The following INO80 variants were observed in gnomAD, a reference collection of about 807,000 sequenced individuals.
INO80 encodes the protein chromatin-remodeling ATPase INO80.
INO80 carries 20 observed loss-of-function variants against 203.4 expected under a neutral mutation model. That is an observed-to-expected ratio of 0.10 (90% CI 0.07 to 0.14). INO80 has a LOEUF of 0.14. Among genes scored for constraint, INO80 ranks in the 10% least tolerant of loss-of-function variants. The pLI, the probability that INO80 is intolerant of heterozygous loss-of-function variation, is 1.00. For missense variants in INO80, 1,419 were observed against 1,914.4 expected, an observed-to-expected ratio of 0.74 and a Z score of 4.83; for synonymous variants, 726 against 685.2, an observed-to-expected ratio of 1.06 and a Z score of -0.93.
chr15:41,084,708 T>C (rs1264692521), intron 7 of INO80, among the ~76,000 whole-genome samples: 2 of 152,162 alleles, frequency 1.3e-5, no homozygotes, highest in African/African-American at 2.4e-5. Flanking sequence ...AAGAAACATA[T>C]CAACTCCTTT....
intron 17 of INO80, among the ~76,000 whole-genome samples, chr15:41,055,945 G>GTTTTTTTTTTTTTTTTTTTTGTT: frequency 7.8e-6 from 1 of 128,586 alleles, no homozygotes; most frequent in Non-Finnish European, 1.6e-5. Context: ...TCTTCTTTTG[G>GTTTTTTTTTTTTTTTTTTTTGTT]TTTTTTTTTT....
At chr15:41,048,010 C>T (rs1186144604) in intron 22 of INO80, among the ~76,000 whole-genome samples, 1 of 152,158 alleles carries the variant, frequency 6.6e-6, no homozygotes, top group Admixed American at 6.5e-5. Flanking sequence ...ATACTATTTT[C>T]TACTTTTTCC....
At chr15:41,032,057 GCACAGGACAGCACAGGACAGCACAGC>G (rs2044493364) in intron 24 of INO80, among the ~76,000 whole-genome samples, 15 of 79,508 alleles carry the variant, frequency 1.9e-4, no homozygotes, top group African/African-American at 6.4e-4. Context: ...GCACAGCACA[GCACAGGACAGCACAGGACAGCACAGC>G]ACAGCACAGC....
chr15:41,075,446 ATT>A (rs957463893), intron 9 of INO80, among the ~76,000 whole-genome samples: 1 of 146,532 alleles, frequency 6.8e-6, no homozygotes, highest in Admixed American at 6.8e-5. Flanking sequence ...TAATTTTTCT[ATT>A]TTTTTTTGGC....
At chr15:41,026,584 A>C (rs573314484) in intron 25 of INO80, among the ~76,000 whole-genome samples, 54 of 151,996 alleles carry the variant, frequency 3.6e-4, no homozygotes, top group South Asian at 3.3e-3. Flanking sequence ...AACAAAAAAA[A>C]CCAACAAACC....
At chr15:41,064,793 T>C (rs1596304707) in intron 14 of INO80, among the ~76,000 whole-genome samples, 1 of 152,044 alleles carries the variant, frequency 6.6e-6, no homozygotes, top group African/African-American at 2.4e-5. Context: ...GCTCAGGAAT[T>C]TGAGACCAGC....
intron 26 of INO80, chr15:41,017,980 T>TA (rs2044236026): frequency 1.3e-5 from 2 of 152,342 alleles, no homozygotes; most frequent in Admixed American, 1.3e-4. Context: ...TAACAACTTT[T>TA]AAGGTTTTAT....
chr15:41,114,657 C>G (rs916974878), intron 1 of INO80, among the ~76,000 whole-genome samples: 1 of 149,626 alleles, frequency 6.7e-6, no homozygotes, highest in Non-Finnish European at 1.5e-5. Context: ...CGCAGTGAGT[C>G]GGGACCCCGC....
At chr15:41,011,011 A>G (rs551854983) in intron 27 of INO80, among the ~76,000 whole-genome samples, 3 of 152,342 alleles carry the variant, frequency 2.0e-5, no homozygotes, top group Middle Eastern at 3.4e-3. Flanking sequence ...CCCTTATCTA[A>G]TACAGAGCCC....
chr15:41,114,628 G>C (rs1200169611), intron 1 of INO80, among the ~76,000 whole-genome samples: 1 of 151,166 alleles, frequency 6.6e-6, no homozygotes, highest in Non-Finnish European at 1.5e-5. Context: ...AGAAGTGCTT[G>C]AACCTGGGAG....
At chr15:41,057,797 C>CAAAAAAAAAAAAAAAAAAAAAAAAAAAAA (rs35197370) in intron 16 of INO80, among the ~76,000 whole-genome samples, 2 of 29,298 alleles carry the variant, frequency 6.8e-5, no homozygotes, top group Non-Finnish European at 1.4e-4. Flanking sequence ...AACTACATCT[C>CAAAAAAAAAAAAAAAAAAAAAAAAAAAAA]AAAAAAAAAA....
At chr15:41,088,567 C>T (rs1001474057) in intron 5 of INO80, among the ~76,000 whole-genome samples, 7 of 152,148 alleles carry the variant, frequency 4.6e-5, no homozygotes, top group Non-Finnish European at 8.8e-5. Flanking sequence ...ATATGAATAA[C>T]GTAACTCTTT....
chr15:41,056,896 CCT>C (rs1275560143), intron 16 of INO80, among the ~76,000 whole-genome samples, 190 bp from the exon 17 acceptor site: 1 of 152,118 alleles, frequency 6.6e-6, no homozygotes, highest in African/African-American at 2.4e-5. Context: ...GGAAATGAGT[CCT>C]CTCTACTGAA....
At chr15:41,065,588 T>C (rs775014240) in intron 14 of INO80, among the ~76,000 whole-genome samples, 11 of 152,146 alleles carry the variant, frequency 7.2e-5, no homozygotes, top group Admixed American at 2.6e-4. Flanking sequence ...GGAATGTTCA[T>C]AGCAGTACTA....
intron 24 of INO80, among the ~76,000 whole-genome samples, chr15:41,030,906 A>AGG (rs1381007330): frequency 2.0e-5 from 3 of 148,724 alleles, no homozygotes; most frequent in African/African-American, 7.5e-5. Context: ...TCCTGACCTC[A>AGG]TGATCCGTCC....
intron 1 of INO80, among the ~76,000 whole-genome samples, chr15:41,110,403 A>G (rs1304342818): frequency 6.6e-6 from 1 of 151,834 alleles, no homozygotes; most frequent in Non-Finnish European, 1.5e-5. Flanking sequence ...TCAGCCTCCC[A>G]AAGTGCTGGG....
rs2044284391 is a variant in INO80, at chr15:41,020,919, C to T, written c.3255G>A (p.Trp1085Ter). 6.2e-7 allele frequency: 1 copy of T among 1,611,938 alleles called. No individual in the cohort carries two copies. The highest frequency in any genetic ancestry group is 1.7e-5 in the Admixed American group (1 of 59,960). ...GLWSIRPQNG[W>*]SFIRIPGKES... Reference sequence around the variant, plus strand: ...ACTCACCTGGAATCCTGATGAAAGACCAGCCATTCTGAGGTCTGATGCTCC... The same window carrying T: ...ACTCACCTGGAATCCTGATGAAAGATCAGCCATTCTGAGGTCTGATGCTCC... Residue 1085 changes from tryptophan (W) to a stop codon, truncating the protein, a stop_gained, in exon 26 of 36, where the codon TGG becomes TGA. Coordinates refer to ENST00000648947, the MANE Select transcript of INO80 (RefSeq NM_017553.3). LOFTEE classifies it high-confidence loss of function.
At chr15:40,982,724 A>G in intron 35 of INO80, 138 bp downstream of exon 35, 1 of 680,944 alleles carries the variant, frequency 1.5e-6, no homozygotes, top group South Asian at 1.8e-5. Flanking sequence ...TGCTTATTAC[A>G]AAGAAGAAGA....
At chr15:41,009,647 T>C (rs1055456444) in intron 27 of INO80, among the ~76,000 whole-genome samples, 35 of 152,156 alleles carry the variant, frequency 2.3e-4, no homozygotes, top group African/African-American at 8.2e-4. Flanking sequence ...GGATGAAGTA[T>C]AGTTTTCTTG....
Sources: allele counts gnomAD v4.1 joint callset (sites outside exome capture counted in the v4.1 genomes callset), GRCh38; gene constraint gnomAD v4.1.1; transcripts MANE v1.5; gene names NCBI Gene and HGNC (gene_info 2026-07-23, HGNC 2026-07-21).